The following PRKG1 variants were observed in gnomAD, a reference collection of about 807,000 sequenced individuals.
PRKG1 encodes the protein cGMP-dependent protein kinase 1.
Under a neutral mutation model 88.1 loss-of-function variants are expected in PRKG1, and 35 were observed. The observed-to-expected ratio is 0.40, with a 90% CI of 0.30 to 0.53. The LOEUF is 0.53. Among genes scored for constraint, PRKG1 ranks in the 20% least tolerant of loss-of-function variants. PRKG1 has a pLI of 0.59. For synonymous variants in PRKG1, 303 were observed against 292.5 expected (o/e 1.04, Z -0.37); for missense variants, 540 against 839.8 (o/e 0.64, Z 4.41).
At chr10:51,720,629 C>A (rs1396739500) in intron 3 of PRKG1, among the ~76,000 whole-genome samples, 1 of 152,116 alleles carries the variant, frequency 6.6e-6, no homozygotes, top group African/African-American at 2.4e-5. Context: ...GCATACTTAC[C>A]TTGGAACAAC....
chr10:51,342,600 A>G (rs746584412), intron 2 of PRKG1, among the ~76,000 whole-genome samples: 5 of 152,132 alleles, frequency 3.3e-5, no homozygotes, highest in Admixed American at 1.3e-4. Flanking sequence ...TTTTAGCTCC[A>G]TTTAACTTCT....
chr10:51,725,596 A>G (rs940640153), intron 3 of PRKG1, among the ~76,000 whole-genome samples: 6 of 151,624 alleles, frequency 4.0e-5, no homozygotes, highest in Non-Finnish European at 8.8e-5. Flanking sequence ...GTTGGTGGAT[A>G]TGGAATCATA....
At chr10:51,465,711 A>T (rs901179270) in intron 2 of PRKG1, among the ~76,000 whole-genome samples, 14 of 152,172 alleles carry the variant, frequency 9.2e-5, no homozygotes, top group African/African-American at 3.4e-4. Flanking sequence ...ATCTGAAAAC[A>T]AATTCTTTCT....
chr10:51,930,561 G>T, intron 5 of PRKG1, among the ~76,000 whole-genome samples: 1 of 140,168 alleles, frequency 7.1e-6, no homozygotes, highest in East Asian at 2.1e-4. Context: ...CATGACCTCG[G>T]CTCACTGCAG....
chr10:51,714,347 G>A (rs1463280129), intron 3 of PRKG1, among the ~76,000 whole-genome samples: 2 of 152,150 alleles, frequency 1.3e-5, no homozygotes, highest in African/African-American at 4.8e-5. Context: ...TTTGTAGAGA[G>A]GGAAAGAGTG....
At chr10:52,033,943 CA>C (rs1331805176) in intron 5 of PRKG1, among the ~76,000 whole-genome samples, 1 of 148,278 alleles carries the variant, frequency 6.7e-6, no homozygotes, top group Non-Finnish European at 1.5e-5. Context: ...TGTTCTCTGG[CA>C]GGCAGCAGTG....
chr10:52,181,174 G>C (rs1006829830), intron 9 of PRKG1, among the ~76,000 whole-genome samples: 3 of 151,990 alleles, frequency 2.0e-5, no homozygotes, highest in Non-Finnish European at 4.4e-5. Context: ...CACAGCTCTT[G>C]GTTCAGTCCA....
intron 7 of PRKG1, among the ~76,000 whole-genome samples, chr10:52,089,971 T>A (rs1011718436): frequency 2.6e-5 from 4 of 151,934 alleles, no homozygotes; most frequent in Non-Finnish European, 4.4e-5. Context: ...TGTGCCACCA[T>A]GCCTAGCTAG....
chr10:51,429,365 A>G (rs1838692255), intron 2 of PRKG1, among the ~76,000 whole-genome samples: 1 of 152,188 alleles, frequency 6.6e-6, no homozygotes, highest in South Asian at 2.1e-4. Context: ...ACCTCCACTA[A>G]CAAAACTGGA....
At chr10:51,679,735 T>TA (rs1554831297) in intron 3 of PRKG1, among the ~76,000 whole-genome samples, 1 of 146,604 alleles carries the variant, frequency 6.8e-6, no homozygotes, top group African/African-American at 2.5e-5. Flanking sequence ...TTTTTTTTTT[T>TA]ATTATACTCT....
At chr10:52,050,393 T>C (rs1845961549) in intron 5 of PRKG1, among the ~76,000 whole-genome samples, 1 of 152,162 alleles carries the variant, frequency 6.6e-6, no homozygotes, top group Non-Finnish European at 1.5e-5. Context: ...CTAAATTCTG[T>C]TTATTTCTTT....
chr10:51,945,370 C>T (rs1843002767), intron 5 of PRKG1, among the ~76,000 whole-genome samples: 1 of 151,406 alleles, frequency 6.6e-6, no homozygotes, highest in South Asian at 2.1e-4. Context: ...AGATGAGTTT[C>T]CTGAATACAG....
chr10:51,637,110 G>T (rs1248800752), intron 3 of PRKG1, among the ~76,000 whole-genome samples: 1 of 151,840 alleles, frequency 6.6e-6, no homozygotes, highest in Non-Finnish European at 1.5e-5. Context: ...TATAGGCAAA[G>T]AACATGAACA....
chr10:52,006,690 TAGA>T (rs1844744769), intron 5 of PRKG1, among the ~76,000 whole-genome samples: 6 of 152,200 alleles, frequency 3.9e-5, no homozygotes, highest in African/African-American at 1.4e-4. Flanking sequence ...ACAAGCAACT[TAGA>T]AAACATATTT....
intron 3 of PRKG1, among the ~76,000 whole-genome samples, chr10:51,784,887 G>A (rs1378444345): frequency 2.6e-5 from 4 of 151,812 alleles, no homozygotes; most frequent in African/African-American, 9.7e-5. Context: ...ATATTAAAAG[G>A]CCAAGTGTAT....
intron 5 of PRKG1, among the ~76,000 whole-genome samples, chr10:52,028,167 A>G (rs1199925816): frequency 6.6e-6 from 1 of 152,002 alleles, no homozygotes; most frequent in Non-Finnish European, 1.5e-5. Context: ...TGCCCTCACA[A>G]TAGGAGATTC....
At chr10:51,483,231 A>G (rs2132852436) in intron 3 of PRKG1, among the ~76,000 whole-genome samples, 1 of 152,194 alleles carries the variant, frequency 6.6e-6, no homozygotes, top group Non-Finnish European at 1.5e-5. Context: ...TATGTTGGCC[A>G]GGCTAGTCTC....
At chr10:51,850,720 G>A (rs915013714) in intron 4 of PRKG1, among the ~76,000 whole-genome samples, 16 of 152,002 alleles carry the variant, frequency 1.1e-4, no homozygotes, top group Non-Finnish European at 1.6e-4. Flanking sequence ...GTTTTTAAAC[G>A]TATAAAAGAT....
intron 3 of PRKG1, among the ~76,000 whole-genome samples, chr10:51,589,250 A>G (rs887310248): frequency 2.6e-5 from 4 of 152,146 alleles, no homozygotes; most frequent in Non-Finnish European, 4.4e-5. Flanking sequence ...AGGGGGAAAA[A>G]CCTGCCATGT....
Sources: gnomAD v4.1 joint callset for allele counts (sites outside exome capture counted in the v4.1 genomes callset) on GRCh38, gnomAD v4.1.1 for gene constraint, MANE v1.5 for transcripts, NCBI Gene and HGNC (gene_info 2026-07-23, HGNC 2026-07-21) for gene names.